CREBBP: variants seen among roughly 807,000 people sequenced by gnomAD.
The protein encoded by CREBBP is CREB binding lysine acetyltransferase, also known as CREB-binding protein.
CREBBP carries 19 observed loss-of-function variants against 265.0 expected under a neutral mutation model. The ratio of observed to expected loss-of-function variants is 0.07; its 90% CI spans 0.05 to 0.11. The LOEUF (loss-of-function observed/expected upper bound fraction) is 0.11. CREBBP is among the 10% of genes least tolerant of loss of function. CREBBP has a pLI of 1.00. For missense variants in CREBBP, 2,525 were observed against 3,219.0 expected, an observed-to-expected ratio of 0.78 and a Z score of 5.22; for synonymous variants, 1,457 against 1,223.7, an observed-to-expected ratio of 1.19 and a Z score of -3.98.
At chr16:3,756,823 T>G (rs995552432) in intron 19 of CREBBP, among the ~76,000 whole-genome samples, 1 of 152,112 alleles carries the variant, frequency 6.6e-6, no homozygotes, top group African/African-American at 2.4e-5. Flanking sequence ...ATGTCAACCT[T>G]TATCAGAGTT....
intron 1 of CREBBP, among the ~76,000 whole-genome samples, chr16:3,867,769 A>G (rs2055206756): frequency 6.6e-6 from 1 of 151,078 alleles, no homozygotes; most frequent in African/African-American, 2.4e-5. Context: ...AAAAAAAAAA[A>G]AAAAAAAAAA....
chr16:3,807,531 C>G (rs2141336305), intron 3 of CREBBP, among the ~76,000 whole-genome samples: 1 of 152,238 alleles, frequency 6.6e-6, no homozygotes, highest in African/African-American at 2.4e-5. Flanking sequence ...GACTACAAAA[C>G]ACATCTGAGG....
At chr16:3,827,192 A>G (rs2141399563) in intron 2 of CREBBP, among the ~76,000 whole-genome samples, 1 of 151,248 alleles carries the variant, frequency 6.6e-6, no homozygotes, top group East Asian at 1.9e-4. Context: ...TTAAAAAATG[A>G]AAAGAAAAAA....
At chr16:3,789,456 G>A (rs1035942044) in intron 5 of CREBBP, among the ~76,000 whole-genome samples, 2 of 152,130 alleles carry the variant, frequency 1.3e-5, no homozygotes, top group African/African-American at 4.8e-5. Context: ...AATTCTCCTC[G>A]AAAAGAATGC....
chr16:3,780,157 A>G (rs962609824), intron 8 of CREBBP, among the ~76,000 whole-genome samples: 2 of 149,040 alleles, frequency 1.3e-5, no homozygotes, highest in Admixed American at 6.8e-5. Context: ...CAGGAGAATC[A>G]CTTGAACCTG....
chr16:3,877,855 T>G (rs1175506690), intron 1 of CREBBP, among the ~76,000 whole-genome samples: 1 of 152,222 alleles, frequency 6.6e-6, no homozygotes. Context: ...ATCGGAGCCA[T>G]TTAAAGCTGA....
chr16:3,866,442 T>C (rs1597079939), intron 1 of CREBBP, among the ~76,000 whole-genome samples: 1 of 152,214 alleles, frequency 6.6e-6, no homozygotes, highest in South Asian at 2.1e-4. Context: ...TAATTTGTAC[T>C]TTGTTCAAAT....
At chr16:3,835,576 C>CTTTTTTTTT (rs1021938849) in intron 2 of CREBBP, among the ~76,000 whole-genome samples, 1 of 117,484 alleles carries the variant, frequency 8.5e-6, no homozygotes, top group Non-Finnish European at 1.8e-5. Flanking sequence ...AAGATTTCTT[C>CTTTTTTTTT]TTTTTTTTTT....
intron 15 of CREBBP, 40 bp from the exon 16 acceptor site, chr16:3,767,949 A>T: frequency 6.3e-7 from 1 of 1,598,572 alleles, no homozygotes; most frequent in Non-Finnish European, 8.6e-7. Flanking sequence ...AATATCAAAC[A>T]CCTTTATGTT....
intron 13 of CREBBP, chr16:3,773,508 A>C: frequency 1.8e-6 from 1 of 542,070 alleles, no homozygotes; most frequent in Non-Finnish European, 3.3e-6. Context: ...AAAGCATACA[A>C]ACCAAAAATT....
intron 26 of CREBBP, among the ~76,000 whole-genome samples, chr16:3,738,166 C>T (rs756029073): frequency 7.9e-5 from 12 of 151,974 alleles, no homozygotes; most frequent in African/African-American, 2.7e-4. Context: ...GGTGATCCAC[C>T]GCAGCAGGAG....
At chr16:3,771,773 T>A (rs1017348991) in intron 13 of CREBBP, among the ~76,000 whole-genome samples, 1 of 150,150 alleles carries the variant, frequency 6.7e-6, no homozygotes. Flanking sequence ...GAATTCATCA[T>A]GCAACTTGGA....
chr16:3,779,104 T>C (rs969299589), intron 8 of CREBBP, among the ~76,000 whole-genome samples: 5 of 148,646 alleles, frequency 3.4e-5, no homozygotes, highest in African/African-American at 1.2e-4. Context: ...GAGGCAGAGG[T>C]TGCAGTGAGC....
chr16:3,864,231 G>C (rs1424318088), intron 1 of CREBBP, among the ~76,000 whole-genome samples: 1 of 152,222 alleles, frequency 6.6e-6, no homozygotes, highest in African/African-American at 2.4e-5. Context: ...AGTCAAGAAA[G>C]GGGGAAAGAG....
intron 2 of CREBBP, among the ~76,000 whole-genome samples, chr16:3,830,214 T>C (rs2141410738): frequency 6.6e-6 from 1 of 152,054 alleles, no homozygotes; most frequent in East Asian, 1.9e-4. Context: ...CTGGGAAACA[T>C]GGTGAAACCC....
intron 8 of CREBBP, among the ~76,000 whole-genome samples, chr16:3,780,426 A>G (rs1029328312): frequency 2.0e-5 from 3 of 152,186 alleles, no homozygotes; most frequent in Non-Finnish European, 4.4e-5. Flanking sequence ...CACGCAGCCT[A>G]AAGTGCAGAA....
intron 2 of CREBBP, chr16:3,812,852 C>G (rs2053964302): frequency 5.3e-6 from 1 of 187,262 alleles, no homozygotes; most frequent in South Asian, 2.0e-4. Context: ...GTTTGATGGA[C>G]TGGGAAGGTC....
rs2052643952 is a variant in CREBBP at position 3,758,802 on chromosome 16, A to C, written c.3369+52T>G. The C allele has an allele frequency of 2.3e-6, 3 of 1,298,456 alleles. No homozygotes were observed. In the Admixed American group the frequency reaches 5.0e-5, roughly 22 times the overall value. The allele number at this position is 1,298,456 out of a possible 1,614,324, so 80.4% of individuals were successfully genotyped here. On this transcript the variant is annotated intron_variant, in intron 17 of 30. Transcript: ENST00000262367. ...AATTTCAAGAGATAAAACAATGGACACTCAGAAGTCACACCAGCAAAGTTA... is the reference window on the plus strand; with the variant it reads ...AATTTCAAGAGATAAAACAATGGACCCTCAGAAGTCACACCAGCAAAGTTA...
intron 1 of CREBBP, among the ~76,000 whole-genome samples, chr16:3,875,032 A>AC (rs1054196516): frequency 6.6e-6 from 1 of 152,224 alleles, no homozygotes; most frequent in Admixed American, 6.5e-5. Flanking sequence ...GCAATTATGG[A>AC]CCCCCCAGGT....
Sources: allele counts gnomAD v4.1 joint callset (sites outside exome capture counted in the v4.1 genomes callset), GRCh38; gene constraint gnomAD v4.1.1; transcripts MANE v1.5; gene names NCBI Gene and HGNC (gene_info 2026-07-23, HGNC 2026-07-21).